Variants in SYNE1 observed in about 807,000 individuals in gnomAD.
The protein encoded by SYNE1 is spectrin repeat containing nuclear envelope protein 1, also known as nesprin-1.
A neutral mutation model predicts 1,111.0 loss-of-function variants in SYNE1; 616 were observed. The observed-to-expected ratio is 0.55, with a 90% CI of 0.52 to 0.59. The LOEUF is 0.59. Among genes scored for constraint, SYNE1 ranks in the 20% least tolerant of loss-of-function variants. The probability of loss-of-function intolerance (pLI) is 0.00; values close to 1 mark genes in which losing one functional copy is unlikely to be tolerated. For missense variants in SYNE1, 10,006 were observed against 10,417.0 expected (o/e 0.96, Z 1.72); for synonymous variants, 3,855 against 3,825.8 (o/e 1.01, Z -0.28).
rs373482868 is a variant in SYNE1 at position 152,363,408 on chromosome 6, G to A, written c.10146-1085C>T. On this transcript the variant is annotated intron_variant, in intron 63 of 145. Coordinates refer to ENST00000367255, the MANE Select transcript of SYNE1 (RefSeq NM_182961.4). ...ACTCGAGAGGCTGAGGCAGGAGAAT[G>A]GCGTGAACCCGGGAGGCGGAGCTCG... Among the ~76,000 whole-genome samples the A allele has an allele frequency of 1.7e-4, 25 of 150,706 alleles. No individual in the cohort carries two copies. In the East Asian group the frequency reaches 2.2e-3, roughly 13 times the overall value.
chr6:152,535,277 G>A (rs2099229316), intron 4 of SYNE1, among the ~76,000 whole-genome samples: 1 of 152,200 alleles, frequency 6.6e-6, no homozygotes, highest in Admixed American at 6.5e-5. Flanking sequence ...CACCCAGTAT[G>A]TGGTACTTTG....
chr6:152,213,654 T>C lies in SYNE1; in HGVS notation c.22452A>G (p.Ser7484=), dbSNP rs36044575. 46,812 of 1,614,110 alleles carry C rather than the reference T, an allele frequency of 0.029. 944 individuals carry two copies. The highest frequency in any genetic ancestry group is 0.032 in the Non-Finnish European group (38,151 of 1,179,970). ...QTEQKLAVEI[S]GNYQHLLEQQ... is the part of the protein sequence containing the mutation. ...GTTCCAAAAGGTGCTGATAATTTCC[T>C]GAAATCTCTACTGCTAACTTTTGTT... The change falls in exon 123 of 146, where the codon TCA becomes TCG. Residue 7484 remains serine (S), a synonymous_variant. Transcript: ENST00000367255.
chr6:152,311,569 G>T (rs1346826235), intron 87 of SYNE1, among the ~76,000 whole-genome samples: 1 of 152,156 alleles, frequency 6.6e-6, no homozygotes, highest in Non-Finnish European at 1.5e-5. Flanking sequence ...TTGGGAGAAG[G>T]TCTCCGGGAA....
chr6:152,628,551 G>C lies in SYNE1; in HGVS notation c.-220C>G. ...AGACTGTCCTCTTACATGAACTCAA[G>C]AACCTGAAAAACAAAAAAGAAAAGG... On this transcript the variant is annotated 5_prime_UTR_variant, in exon 3 of 146. Coordinates refer to ENST00000367255, the MANE Select transcript of SYNE1 (RefSeq NM_182961.4). 1 of 543,158 alleles carries C rather than the reference G, an allele frequency of 1.8e-6. No homozygotes were observed. Among genetic ancestry groups the C allele is most frequent in the South Asian group, 2.6e-5 (1 of 38,352 alleles). The allele number at this position is 543,158 out of a possible 1,614,324, so 33.6% of individuals were successfully genotyped here. A position where few individuals can be genotyped will look rare whatever the true frequency, so the allele number is the denominator to read the frequency against.
Position 152,239,596 on chromosome 6 carries a change from A to G in SYNE1, c.20004T>C (p.Ala6668=). 6.2e-7 allele frequency: 1 copy of G among 1,614,218 alleles called. No homozygotes were observed. The highest frequency in any genetic ancestry group is 2.2e-5 in the East Asian group (1 of 44,876). The change falls in exon 108 of 146, where the codon GCT becomes GCC. Residue 6668 remains alanine, a synonymous_variant. Transcript: ENST00000367255. ...KETQFHTELM[A]QASAVLKRAH... is the part of the protein sequence containing the mutation. Reference sequence around the variant, plus strand: ...CCCGTTTCAGTACAGCAGAAGCCTGAGCCATCAGCTCTGTATGGAACTGGG... The same window carrying G: ...CCCGTTTCAGTACAGCAGAAGCCTGGGCCATCAGCTCTGTATGGAACTGGG...
intron 145 of SYNE1, chr6:152,129,579 T>A (rs2054768340): frequency 6.6e-6 from 1 of 151,088 alleles, no homozygotes; most frequent in Admixed American, 6.6e-5. Context: ...ACTCATAAAA[T>A]TGTCTTCAAA....
At chr6:152,123,013 C>A (rs1189191042) in intron 145 of SYNE1, among the ~76,000 whole-genome samples, 1 of 152,138 alleles carries the variant, frequency 6.6e-6, no homozygotes, top group Non-Finnish European at 1.5e-5. Context: ...TTAAGTAGAT[C>A]CAGAATAATT....
At chr6:152,315,017 A>C (rs887275105) in intron 87 of SYNE1, among the ~76,000 whole-genome samples, 6 of 149,138 alleles carry the variant, frequency 4.0e-5, no homozygotes, top group Non-Finnish European at 6.0e-5. Context: ...AGTCATGATA[A>C]CCTTAAGGAC....
intron 16 of SYNE1, among the ~76,000 whole-genome samples, chr6:152,468,818 C>T (rs1321215674): frequency 6.6e-6 from 1 of 152,056 alleles, no homozygotes; most frequent in Non-Finnish European, 1.5e-5. Flanking sequence ...CTCTGTAGCT[C>T]AGGCTGAAGT....
chr6:152,147,249 C>T (rs2813490), intron 137 of SYNE1: 45,863 of 152,232 alleles, frequency 0.3, 7,121 homozygotes, highest in Admixed American at 0.41. Context: ...TCCCCTAGTT[C>T]AGGCCACCAC....
At chr6:152,290,381 A>C (rs2094543997) in intron 95 of SYNE1, among the ~76,000 whole-genome samples, 1 of 152,160 alleles carries the variant, frequency 6.6e-6, no homozygotes, top group African/African-American at 2.4e-5. Context: ...ACATGGTGAA[A>C]CCTCATCTCT....
chr6:152,506,653 C>A (rs2099059812), intron 8 of SYNE1, among the ~76,000 whole-genome samples: 1 of 152,036 alleles, frequency 6.6e-6, no homozygotes, highest in South Asian at 2.1e-4. Context: ...GGGATTCTTG[C>A]ACCTCAGCCT....
intron 3 of SYNE1, among the ~76,000 whole-genome samples, chr6:152,624,047 C>T (rs934444240): frequency 6.6e-6 from 1 of 152,098 alleles, no homozygotes. Flanking sequence ...TTACTTTATA[C>T]TGAACACTTA....
chr6:152,498,774 G>T lies in SYNE1; in HGVS notation c.907C>A (p.Pro303Thr). ...QEDDEILPGF[P>T]SFANSVQNFK... ...TTTTGTACAGAATTTGCAAAAGATG[G>T]GAAACCTGGAAGTATTTCCTAACAA... The change falls in exon 11 of 146, where the codon CCA (proline) becomes ACA (threonine). Residue 303 changes from proline to threonine, a missense_variant. Coordinates refer to ENST00000367255, the MANE Select transcript of SYNE1 (RefSeq NM_182961.4). 1 of 1,551,842 alleles carries T rather than the reference G, an allele frequency of 6.4e-7. No homozygotes were observed. Among genetic ancestry groups the T allele is most frequent in the South Asian group, 1.2e-5 (1 of 82,082 alleles).
chr6:152,227,410 T>C (rs529870993), intron 115 of SYNE1, among the ~76,000 whole-genome samples: 2 of 152,300 alleles, frequency 1.3e-5, no homozygotes, highest in East Asian at 3.9e-4. Flanking sequence ...TTTGTTTTGG[T>C]TAATTAGTTA....
In SYNE1 at chr6:152,331,263, T is replaced by C. The variant is rs1590231826; in HGVS notation, c.13422A>G (p.Arg4474=). The C allele has an allele frequency of 7.4e-6, 12 of 1,614,166 alleles. No individual in the cohort carries two copies. Among genetic ancestry groups the C allele is most frequent in the Middle Eastern group, 1.6e-4 (1 of 6,062 alleles). ...QATSQIQQHE[R]KIMFREHICL... The stretch of plus-strand genomic sequence containing the variant: ...AGATGTGTTCACGGAACATTATCTT[T>C]CGCTCATGTTGCTGAATTTGGCTGG... Residue 4474 remains arginine, a synonymous_variant, in exon 78 of 146, where the codon CGA becomes CGG. Transcript: ENST00000367255.
At chr6:152,348,254 A>G (rs2096674164) in intron 72 of SYNE1, among the ~76,000 whole-genome samples, 1 of 152,192 alleles carries the variant, frequency 6.6e-6, no homozygotes, top group Non-Finnish European at 1.5e-5. Flanking sequence ...GAGGTTGTAC[A>G]ACACAGTCAA....
At chr6:152,271,598 A>G (rs1164664861) in intron 98 of SYNE1, among the ~76,000 whole-genome samples, 1 of 152,210 alleles carries the variant, frequency 6.6e-6, no homozygotes, top group Non-Finnish European at 1.5e-5. Flanking sequence ...GTGGATGGGC[A>G]TTCTCCCAGA....
At position 152,136,650 on chromosome 6, in the gene SYNE1, C is replaced by T. The variant is rs1352537253; in HGVS notation, c.25627G>A (p.Gly8543Ser). Reference protein sequence around the residue: ...RVCSLLEEWRGLLQDALMQCQ... With the variant: ...RVCSLLEEWRSLLQDALMQCQ... Reference sequence around the variant, plus strand: ...TGCATCAGGGCATCCTGCAGCAGGCCCCGCCACTCCTCCAGCAGAGAGCAC... The same window carrying T: ...TGCATCAGGGCATCCTGCAGCAGGCTCCGCCACTCCTCCAGCAGAGAGCAC... Residue 8543 changes from glycine (G) to serine (S), a missense_variant, in exon 141 of 146, where the codon GGC (glycine) becomes AGC (serine). Gly to Ser is a moderately conservative substitution (Grantham distance 56). Coordinates refer to ENST00000367255, the MANE Select transcript of SYNE1 (RefSeq NM_182961.4). The T allele has an allele frequency of 6.2e-7, 1 of 1,613,860 alleles. No homozygotes were observed. The highest frequency in any genetic ancestry group is 1.3e-5 in the African/African-American group (1 of 74,922).
Sources: gnomAD v4.1 joint callset for allele counts (sites outside exome capture counted in the v4.1 genomes callset) on GRCh38, gnomAD v4.1.1 for gene constraint, MANE v1.5 for transcripts, NCBI Gene and HGNC (gene_info 2026-07-23, HGNC 2026-07-21) for gene names.